FAM107A: variants seen among roughly 807,000 people sequenced by gnomAD.
FAM107A encodes the protein family with sequence similarity 107 member A.
In FAM107A, 19 loss-of-function variants were observed where a neutral mutation model predicts 13.7. The observed-to-expected ratio is 1.38, with a 90% CI of 0.97 to 2.03. FAM107A has a LOEUF of 2.03. Among genes scored for constraint, FAM107A ranks in the 30% most tolerant of loss-of-function variants. The pLI, the probability that FAM107A is intolerant of heterozygous loss-of-function variation, is 0.00. For missense variants in FAM107A, 203 were observed against 184.4 expected (o/e 1.10, Z -0.58); for synonymous variants, 82 against 74.5 (o/e 1.10, Z -0.52).
intron 1 of FAM107A, among the ~76,000 whole-genome samples, chr3:58,624,121 C>A (rs2065986135): frequency 6.6e-6 from 1 of 152,206 alleles, no homozygotes; most frequent in Non-Finnish European, 1.5e-5. Context: ...TGTGGCCTTG[C>A]TGTGTAATGC....
chr3:58,569,984 G>A lies in FAM107A; in HGVS notation c.-5-119C>T, dbSNP rs995152040. 26 of 922,674 alleles carry A rather than the reference G, an allele frequency of 2.8e-5. No homozygotes were observed. Among genetic ancestry groups the A allele is most frequent in the Middle Eastern group, 2.8e-4 (1 of 3,532 alleles). The allele number at this position is 922,674 out of a possible 1,614,324, so 57.2% of individuals were successfully genotyped here. A position where few individuals can be genotyped will look rare whatever the true frequency, so the allele number is the denominator to read the frequency against. ...ATGGACCTTGGCCACCTGCTACTGC[G>A]CATACCTGGGCAAGCTACCTGACTT... On this transcript the variant is annotated intron_variant, in intron 1 of 3. Transcript: ENST00000360997. This position sits in a 1 kb window ranked among gnomAD's most constrained non-coding sequence, Gnocchi z 5.7.
upstream of FAM107A, among the ~76,000 whole-genome samples, chr3:58,590,582 A>G (rs1439276032): frequency 1.3e-5 from 2 of 152,216 alleles, no homozygotes; most frequent in Non-Finnish European, 2.9e-5. Flanking sequence ...CCAGGAACTT[A>G]TAATTATGGT....
At chr3:58,570,234 T>C (rs2063668052) in intron 1 of FAM107A, 1 of 352,426 alleles carries the variant, frequency 2.8e-6, no homozygotes, top group Non-Finnish European at 4.0e-6. Flanking sequence ...TTCAATGAGC[T>C]TGTAACAGAA....
intron 1 of FAM107A, among the ~76,000 whole-genome samples, chr3:58,616,930 C>T (rs2065907467): frequency 2.6e-5 from 4 of 152,204 alleles, no homozygotes; most frequent in African/African-American, 9.6e-5. Context: ...CACGCCACCA[C>T]ATCCAGCTAA....
rs112272805 is a variant in FAM107A at position 58,624,299 on chromosome 3, G to A, written c.-70+3117C>T. Among the ~76,000 whole-genome samples, 321 of 152,274 alleles carry A rather than the reference G, an allele frequency of 2.1e-3. 2 individuals are homozygous for A. Among genetic ancestry groups the A allele is most frequent in the African/African-American group, 7.2e-3 (301 of 41,552 alleles). Reference sequence around the variant, plus strand: ...TCTTCTTGCAAAAACCCTGATAGAGGCCAGGGTACCCACCTTGGTGCCCTT... The same window carrying A: ...TCTTCTTGCAAAAACCCTGATAGAGACCAGGGTACCCACCTTGGTGCCCTT... On this transcript the variant is annotated intron_variant, in intron 1 of 3. Transcript: ENST00000465970.
chr3:58,605,076 CT>C (rs2065781823), intron 1 of FAM107A, among the ~76,000 whole-genome samples: 1 of 152,192 alleles, frequency 6.6e-6, no homozygotes. Flanking sequence ...ACTTTCTCCC[CT>C]GAGGGTCTTG....
chr3:58,614,366 A>G (rs1242252608), intron 1 of FAM107A, among the ~76,000 whole-genome samples: 2 of 152,208 alleles, frequency 1.3e-5, no homozygotes, highest in East Asian at 3.8e-4. Context: ...TGAAGCAGGA[A>G]GTGTTCCCTC....
At chr3:58,627,073 C>A in intron 1 of FAM107A, 1 of 1,445,424 alleles carries the variant, frequency 6.9e-7, no homozygotes, top group South Asian at 1.2e-5. Context: ...ATCTCAGGAG[C>A]CAGGACCCAA....
At chr3:58,600,658 C>A (rs114005997) in intron 1 of FAM107A, among the ~76,000 whole-genome samples, 2 of 152,200 alleles carry the variant, frequency 1.3e-5, no homozygotes, top group African/African-American at 4.8e-5. Context: ...TAGCCACATG[C>A]GACTATTTAA....
intron 1 of FAM107A, among the ~76,000 whole-genome samples, chr3:58,583,087 C>T (rs1299875020): frequency 6.6e-6 from 1 of 152,190 alleles, no homozygotes; most frequent in Non-Finnish European, 1.5e-5. Context: ...GCGTGAGCCA[C>T]TGTGCCCGGC....
chr3:58,614,029 G>C (rs540193791), intron 1 of FAM107A, among the ~76,000 whole-genome samples: 2 of 152,310 alleles, frequency 1.3e-5, no homozygotes, highest in East Asian at 3.9e-4. Flanking sequence ...GAGCCTGGAT[G>C]GGAGATCCCT....
upstream of FAM107A, chr3:58,589,305 C>G (rs1315739587): frequency 2.1e-6 from 3 of 1,423,730 alleles, no homozygotes; most frequent in East Asian, 7.4e-5. Context: ...AGTTGAGGAC[C>G]CTTGGTTCTT....
intron 1 of FAM107A, among the ~76,000 whole-genome samples, chr3:58,616,880 T>G (rs1414956553): frequency 6.6e-6 from 1 of 152,072 alleles, no homozygotes; most frequent in Non-Finnish European, 1.5e-5. Flanking sequence ...TTCAAGTGAT[T>G]CTCCTGCCTC....
intron 1 of FAM107A, among the ~76,000 whole-genome samples, chr3:58,599,695 C>CTTTTTTTTTTTT (rs1559483413): frequency 2.2e-5 from 1 of 45,744 alleles, no homozygotes; most frequent in Non-Finnish European, 5.3e-5. Context: ...ACAAGTGCAC[C>CTTTTTTTTTTTT]ATTTTTTTTT....
At chr3:58,620,009 G>A (rs930118054) in intron 1 of FAM107A, among the ~76,000 whole-genome samples, 1 of 152,172 alleles carries the variant, frequency 6.6e-6, no homozygotes, top group Non-Finnish European at 1.5e-5. Context: ...AGTTCTGCAT[G>A]GATCCTTCCA....
upstream of FAM107A, among the ~76,000 whole-genome samples, chr3:58,579,419 CT>C (rs2065502087): frequency 6.6e-6 from 1 of 152,040 alleles, no homozygotes. Flanking sequence ...TGTGTGGTCC[CT>C]TTTTTTCTTC....
intron 1 of FAM107A, among the ~76,000 whole-genome samples, chr3:58,602,145 C>T (rs2065757944): frequency 6.6e-6 from 1 of 152,268 alleles, no homozygotes. Flanking sequence ...ACCCAACAGG[C>T]TTTGCCAATG....
chr3:58,627,103 C>T (rs910920435), intron 1 of FAM107A: 1 of 1,076,028 alleles, frequency 9.3e-7, no homozygotes, highest in Non-Finnish European at 1.4e-6. Flanking sequence ...GGGGCGAGGG[C>T]CCCCTGTCCT....
chr3:58,622,790 G>T (rs973600771), intron 1 of FAM107A, among the ~76,000 whole-genome samples: 2 of 152,044 alleles, frequency 1.3e-5, no homozygotes, highest in Admixed American at 6.5e-5. Flanking sequence ...GCCTTTGTTG[G>T]GGGGGATATT....
Sources: gnomAD v4.1 joint callset for allele counts (sites outside exome capture counted in the v4.1 genomes callset) on GRCh38, gnomAD v4.1.1 for gene constraint, Gnocchi (gnomAD v3.1) non-coding constraint, MANE v1.5 for transcripts, NCBI Gene and HGNC (gene_info 2026-07-23, HGNC 2026-07-21) for gene names.